Variants in HDAC9 observed in about 807,000 individuals in gnomAD.
HDAC9 encodes MEF-2 interacting transcription repressor (MITR) protein.
Under a neutral mutation model 139.4 loss-of-function variants are expected in HDAC9, and 41 were observed. The observed-to-expected ratio is 0.29, with a 90% CI of 0.23 to 0.38. The LOEUF is 0.38. HDAC9 is among the 10% of genes least tolerant of loss of function. The pLI, the probability that HDAC9 is intolerant of heterozygous loss-of-function variation, is 1.00. For missense variants in HDAC9, 1,147 were observed against 1,297.0 expected (o/e 0.88, Z 1.78); for synonymous variants, 517 against 476.2 (o/e 1.09, Z -1.12).
chr7:18,629,149 C>A (rs1244527959), intron 6 of HDAC9, among the ~76,000 whole-genome samples: 2 of 151,930 alleles, frequency 1.3e-5, no homozygotes, highest in East Asian at 1.9e-4. Flanking sequence ...AAAAGTTTCA[C>A]AGATTTCATA....
chr7:18,206,193 G>C (rs1791498704), intron 2 of HDAC9, among the ~76,000 whole-genome samples: 2 of 152,134 alleles, frequency 1.3e-5, no homozygotes, highest in African/African-American at 2.4e-5. Flanking sequence ...TTTTTGGAAT[G>C]TTAATTGTAA....
intron 1 of HDAC9, among the ~76,000 whole-genome samples, chr7:18,128,910 A>T (rs1784838559): frequency 6.7e-6 from 1 of 149,582 alleles, no homozygotes; most frequent in South Asian, 2.1e-4. Context: ...CTTTCTTGCC[A>T]CTCTAACAGG....
intron 1 of HDAC9, among the ~76,000 whole-genome samples, chr7:18,370,718 A>G (rs1441534606): frequency 6.6e-6 from 1 of 152,158 alleles, no homozygotes; most frequent in African/African-American, 2.4e-5. Flanking sequence ...CATTTTGCAT[A>G]AGGGTTCTAT....
intron 24 of HDAC9, among the ~76,000 whole-genome samples, chr7:18,967,147 A>G (rs1466970140): frequency 6.6e-6 from 1 of 152,224 alleles, no homozygotes; most frequent in Non-Finnish European, 1.5e-5. Flanking sequence ...AAATTTAGTT[A>G]TTATTGACCA....
intron 22 of HDAC9, among the ~76,000 whole-genome samples, chr7:18,894,770 G>C (rs774307203): frequency 3.3e-5 from 5 of 152,104 alleles, no homozygotes; most frequent in Non-Finnish European, 5.9e-5. Flanking sequence ...AATTGATGCT[G>C]CTGTAAAAAG....
At position 18,209,900 on chromosome 7, in the gene HDAC9, C is replaced by T. The variant is rs1434236635; in HGVS notation, c.25+47551C>T. Among the ~76,000 whole-genome samples the T allele has an allele frequency of 3.3e-5, 5 of 152,200 alleles. No individual in the cohort carries two copies. In the East Asian group the frequency reaches 7.7e-4, roughly 24 times the overall value. On this transcript the variant is annotated intron_variant, in intron 2 of 12. Coordinates refer to the HDAC9 transcript ENST00000417496. ...TATTTTTAGTAGAGATGGGGTTTCA[C>T]CATGTTAGCCAGGATGGTCTCGATC...
At chr7:18,755,152 A>T (rs986551922) in intron 14 of HDAC9, among the ~76,000 whole-genome samples, 1 of 152,196 alleles carries the variant, frequency 6.6e-6, no homozygotes, top group African/African-American at 2.4e-5. Context: ...AAAGAAGTAC[A>T]AGTGATCTAG....
At chr7:18,410,548 A>C (rs1788447725) in intron 1 of HDAC9, among the ~76,000 whole-genome samples, 1 of 152,216 alleles carries the variant, frequency 6.6e-6, no homozygotes, top group Non-Finnish European at 1.5e-5. Context: ...TACATGTTAT[A>C]TACATACATA....
chr7:18,838,444 G>T (rs149153585), intron 21 of HDAC9, among the ~76,000 whole-genome samples: 1 of 152,022 alleles, frequency 6.6e-6, no homozygotes, highest in South Asian at 2.1e-4. Context: ...GGCAGAGAGA[G>T]TGAACTGTGA....
intron 17 of HDAC9, among the ~76,000 whole-genome samples, chr7:18,809,735 G>A (rs1425833255): frequency 6.6e-6 from 1 of 151,942 alleles, no homozygotes; most frequent in Non-Finnish European, 1.5e-5. Flanking sequence ...TAGCAAAATT[G>A]TGGAGAAAAG....
chr7:18,337,757 C>CCACT (rs1367524213), intron 1 of HDAC9, among the ~76,000 whole-genome samples: 2 of 151,712 alleles, frequency 1.3e-5, no homozygotes, highest in Non-Finnish European at 2.9e-5. Flanking sequence ...TGGGCATGTG[C>CCACT]CACTACATTC....
intron 8 of HDAC9, among the ~76,000 whole-genome samples, chr7:18,638,663 T>C (rs1375642931): frequency 6.6e-6 from 1 of 152,086 alleles, no homozygotes; most frequent in South Asian, 2.1e-4. Context: ...TTTGTTGTTA[T>C]TATCAGCGCT....
chr7:18,383,052 A>G (rs931783120), intron 1 of HDAC9, among the ~76,000 whole-genome samples: 7 of 152,224 alleles, frequency 4.6e-5, no homozygotes, highest in Non-Finnish European at 1.0e-4. Context: ...AAATAAATGT[A>G]CTGTTATAAA....
chr7:18,317,581 A>G (rs1799741739), intron 1 of HDAC9, among the ~76,000 whole-genome samples: 1 of 152,146 alleles, frequency 6.6e-6, no homozygotes, highest in Non-Finnish European at 1.5e-5. Context: ...GTATTTCCCA[A>G]ACGTGAGTTG....
chr7:18,151,141 T>C (rs1445065123), intron 1 of HDAC9, among the ~76,000 whole-genome samples: 9 of 152,184 alleles, frequency 5.9e-5, no homozygotes, highest in Admixed American at 3.3e-4. Context: ...ATAGAAATAA[T>C]AGAAATTGCC....
intron 6 of HDAC9, among the ~76,000 whole-genome samples, chr7:18,602,297 G>A (rs1834165357): frequency 6.6e-6 from 1 of 151,816 alleles, no homozygotes; most frequent in Admixed American, 6.6e-5. Flanking sequence ...CAATAGTTAT[G>A]ACCCCTCTTT....
At chr7:18,708,713 C>G (rs1302253606) in intron 12 of HDAC9, among the ~76,000 whole-genome samples, 1 of 152,016 alleles carries the variant, frequency 6.6e-6, no homozygotes, top group Non-Finnish European at 1.5e-5. Context: ...TATTGGACGG[C>G]AAGATTCTAG....
chr7:18,799,578 C>T (rs1793115959), intron 17 of HDAC9, among the ~76,000 whole-genome samples: 1 of 152,128 alleles, frequency 6.6e-6, no homozygotes, highest in Non-Finnish European at 1.5e-5. Flanking sequence ...AATAAAGACA[C>T]AGACATTGTT....
chr7:18,752,428 A>G (rs1788532293), intron 14 of HDAC9, among the ~76,000 whole-genome samples: 1 of 152,092 alleles, frequency 6.6e-6, no homozygotes, highest in Non-Finnish European at 1.5e-5. Flanking sequence ...TTACCAAGAT[A>G]CCCCAAGGAC....
Sources: allele counts gnomAD v4.1 joint callset (sites outside exome capture counted in the v4.1 genomes callset), GRCh38; gene constraint gnomAD v4.1.1; transcripts MANE v1.5; gene names NCBI Gene and HGNC (gene_info 2026-07-23, HGNC 2026-07-21).